ABCB5: variants seen among roughly 807,000 people sequenced by gnomAD.
The protein encoded by ABCB5 is ATP-binding cassette sub-family B member 5.
ABCB5 carries 155 observed loss-of-function variants against 144.2 expected under a neutral mutation model. The ratio of observed to expected loss-of-function variants is 1.08; its 90% CI spans 0.94 to 1.23. The LOEUF (loss-of-function observed/expected upper bound fraction) is 1.23, where lower values mean the gene tolerates loss of function less well. Among genes scored for constraint, ABCB5 ranks in the 50% most tolerant of loss-of-function variants. The pLI, the probability that ABCB5 is intolerant of heterozygous loss-of-function variation, is 0.00. For missense variants in ABCB5, 1,830 were observed against 1,520.8 expected (o/e 1.20, Z -3.38); for synonymous variants, 610 against 528.6 (o/e 1.15, Z -2.11).
chr7:20,730,541 G>A (rs1187295439), intron 23 of ABCB5, among the ~76,000 whole-genome samples: 1 of 152,150 alleles, frequency 6.6e-6, no homozygotes, highest in Non-Finnish European at 1.5e-5. Context: ...AACAGAAATT[G>A]CAAGTTCCCT....
At chr7:20,663,382 T>A (rs1785066420) in intron 14 of ABCB5, among the ~76,000 whole-genome samples, 1 of 152,198 alleles carries the variant, frequency 6.6e-6, no homozygotes, top group Non-Finnish European at 1.5e-5. Context: ...GAAAATGTGG[T>A]ATATACATAC....
rs374402106 is a variant in ABCB5 at position 20,714,348 on chromosome 7, C to CAA, written c.2422-8659_2422-8658dup. 2.5e-3 allele frequency among the ~76,000 whole-genome samples: 370 copies of CAA among 146,958 alleles called. 3 individuals carry two copies. The Middle Eastern group carries it at 0.028, about 11-fold the overall frequency. ...AAACAAGACTTTTTGTTCTTAATTT[C>CAA]AAAAAAAAAACCTGTATTTTTGTGC... On this transcript the variant is annotated intron_variant, in intron 20 of 27. Coordinates refer to ENST00000404938, the MANE Select transcript of ABCB5 (RefSeq NM_001163941.2).
At chr7:20,644,320 C>T (rs1784357838) in intron 7 of ABCB5, among the ~76,000 whole-genome samples, 1 of 152,100 alleles carries the variant, frequency 6.6e-6, no homozygotes, top group Non-Finnish European at 1.5e-5. Flanking sequence ...CTGAAGCTAT[C>T]CGCCCACCTC....
chr7:20,658,388 C>A, intron 13 of ABCB5, 118 bp from the exon 14 acceptor site: 3 of 851,408 alleles, frequency 3.5e-6, no homozygotes, highest in Non-Finnish European at 3.5e-6. Flanking sequence ...CATAAGCACC[C>A]AGAGGCTGAA....
chr7:20,710,055 A>C (rs1445229548), intron 20 of ABCB5, among the ~76,000 whole-genome samples: 1 of 142,630 alleles, frequency 7.0e-6, no homozygotes, highest in Non-Finnish European at 1.5e-5. Flanking sequence ...ACAGAGCAAG[A>C]CTCTAAAAAA....
chr7:20,642,371 CTTAA>C (rs1255875369), intron 5 of ABCB5, among the ~76,000 whole-genome samples: 28 of 152,172 alleles, frequency 1.8e-4, no homozygotes, highest in Admixed American at 1.6e-3. Context: ...TTATGGCTGG[CTTAA>C]TTTCACGTTT....
chr7:20,616,718 C>T (rs974344597), intron 1 of ABCB5, among the ~76,000 whole-genome samples: 22 of 152,184 alleles, frequency 1.4e-4, no homozygotes, highest in African/African-American at 4.3e-4. Flanking sequence ...ACCTGATTAT[C>T]TCACAAATAT....
chr7:20,647,664 G>T lies in ABCB5; in HGVS notation c.1095+16G>T. On this transcript the variant is annotated intron_variant, in intron 10 of 27. Transcript: ENST00000404938. ...TATTGATAAGGTAAGACCTCTTATT[G>T]CTTTGAAGAATAACTATCATTACTG... 6.5e-7 allele frequency: 1 copy of T among 1,548,598 alleles called. No individual in the cohort carries two copies. The highest frequency in any genetic ancestry group is 8.7e-7 in the Non-Finnish European group (1 of 1,147,168).
At chr7:20,660,996 A>C (rs1583404812) in intron 14 of ABCB5, among the ~76,000 whole-genome samples, 1 of 152,338 alleles carries the variant, frequency 6.6e-6, no homozygotes, top group East Asian at 1.9e-4. Flanking sequence ...AAACAGCAAC[A>C]TGAAGGCACT....
chr7:20,738,059 T>C (rs1295258608), intron 23 of ABCB5, among the ~76,000 whole-genome samples: 1 of 152,160 alleles, frequency 6.6e-6, no homozygotes, highest in African/African-American at 2.4e-5. Flanking sequence ...AGGGAGAAAT[T>C]CACAAGGAGC....
intron 20 of ABCB5, among the ~76,000 whole-genome samples, chr7:20,719,899 A>G (rs529721031): frequency 1.3e-5 from 2 of 152,078 alleles, no homozygotes; most frequent in South Asian, 4.2e-4. Context: ...CAAGAAATAT[A>G]CAGAAACAAA....
chr7:20,626,625 G>T lies in ABCB5; in HGVS notation c.108+14G>T. The T allele has an allele frequency of 6.3e-7, 1 of 1,595,882 alleles. No homozygotes were observed. The highest frequency in any genetic ancestry group is 8.5e-7 in the Non-Finnish European group (1 of 1,170,868). On this transcript the variant is annotated intron_variant, in intron 3 of 27. Transcript: ENST00000404938. ...TCTATTGAGATAGTAAGTGAAATCA[G>T]TTAGAAAGTACATGCATTAGAAGAT...
intron 14 of ABCB5, among the ~76,000 whole-genome samples, chr7:20,675,740 A>C (rs1261171765): frequency 2.6e-5 from 4 of 152,104 alleles, no homozygotes; most frequent in African/African-American, 9.6e-5. Context: ...AAAGGAAAAA[A>C]AAATTGGAAA....
chr7:20,700,573 A>G (rs13229481), intron 19 of ABCB5, among the ~76,000 whole-genome samples: 25,701 of 152,250 alleles, frequency 0.17, 2,599 homozygotes, highest in Non-Finnish European at 0.23. Flanking sequence ...AAAGCAGCCA[A>G]TCTCTCTGCC....
At chr7:20,623,243 AT>A in intron 1 of ABCB5, 21 bp from the exon 2 acceptor site, 2 of 1,349,796 alleles carry the variant, frequency 1.5e-6, no homozygotes, top group Non-Finnish European at 2.1e-6. Context: ...GCCATAATAC[AT>A]TTGTTAAAAT....
At chr7:20,636,470 G>C (rs564757789) in intron 5 of ABCB5, among the ~76,000 whole-genome samples, 1 of 151,586 alleles carries the variant, frequency 6.6e-6, no homozygotes, top group Non-Finnish European at 1.5e-5. Flanking sequence ...CTTTTTTTAA[G>C]ACTCATTTAA....
chr7:20,655,289 T>C (rs1209713758), intron 13 of ABCB5, among the ~76,000 whole-genome samples: 2 of 152,092 alleles, frequency 1.3e-5, no homozygotes, highest in Non-Finnish European at 2.9e-5. Flanking sequence ...CTGGACAACA[T>C]GGCAAAACCC....
chr7:20,626,673 A>G (rs1343445596), intron 3 of ABCB5, 62 bp downstream of exon 3: 17 of 1,345,810 alleles, frequency 1.3e-5, no homozygotes, highest in Non-Finnish European at 1.5e-5. Context: ...TCAGTAGTGC[A>G]TAGAAGATTG....
At chr7:20,737,725 G>T (rs1782433078) in intron 23 of ABCB5, among the ~76,000 whole-genome samples, 1 of 151,548 alleles carries the variant, frequency 6.6e-6, no homozygotes, top group South Asian at 2.1e-4. Flanking sequence ...CTGACAGTCT[G>T]ATTTTTCCTT....
Sources: gnomAD v4.1 joint callset for allele counts (sites outside exome capture counted in the v4.1 genomes callset) on GRCh38, gnomAD v4.1.1 for gene constraint, MANE v1.5 for transcripts, NCBI Gene and HGNC (gene_info 2026-07-23, HGNC 2026-07-21) for gene names.